STX11: variants seen among roughly 807,000 people sequenced by gnomAD.
STX11 encodes the protein syntaxin-11.
Under a neutral mutation model 19.9 loss-of-function variants are expected in STX11, and 21 were observed. The ratio of observed to expected loss-of-function variants is 1.06; its 90% CI spans 0.75 to 1.52. STX11 has a LOEUF of 1.52. Ranked by LOEUF, STX11 falls within the 40% of genes most tolerant of loss-of-function variation. The probability of loss-of-function intolerance (pLI) is 0.00; values close to 1 mark genes in which losing one functional copy is unlikely to be tolerated. For missense variants in STX11, 438 were observed against 405.9 expected (o/e 1.08, Z -0.68); for synonymous variants, 193 against 174.4 (o/e 1.11, Z -0.84).
At chr6:144,181,867 C>A (rs140073440) in intron 1 of STX11, among the ~76,000 whole-genome samples, 1 of 152,170 alleles carries the variant, frequency 6.6e-6, no homozygotes, top group Non-Finnish European at 1.5e-5. Flanking sequence ...AGCAATACCC[C>A]CTTCCTTCCT....
chr6:144,158,331 T>C (rs1584019835), intron 1 of STX11, among the ~76,000 whole-genome samples: 1 of 152,170 alleles, frequency 6.6e-6, no homozygotes, highest in East Asian at 1.9e-4. Flanking sequence ...CCCAAATTCC[T>C]TTGCTGGCTT....
At chr6:144,142,945 G>T in the STX11 span, among the ~76,000 whole-genome samples, 4 of 152,102 alleles carry the variant, frequency 2.6e-5, no homozygotes, top group Non-Finnish European at 5.9e-5. Context: ...ATAACTCAAG[G>T]TGAGGGATAC....
chr6:144,145,193 T>C, the STX11 span, among the ~76,000 whole-genome samples: 1 of 152,148 alleles, frequency 6.6e-6, no homozygotes, highest in African/African-American at 2.4e-5. Context: ...GGTATATACA[T>C]ACAATGAGTT....
At chr6:144,145,755 T>G (rs1427675711), upstream of STX11, among the ~76,000 whole-genome samples, 3 of 151,978 alleles carry the variant, frequency 2.0e-5, no homozygotes, top group Non-Finnish European at 4.4e-5. Flanking sequence ...GTTAGAGAGA[T>G]GTTAGTAAAG....
rs1801666532 is a variant in STX11, at chr6:144,172,504, A to G, written c.-5-14119A>G. 6.6e-6 allele frequency among the ~76,000 whole-genome samples: 1 copy of G among 152,164 alleles called. No individual in the cohort carries two copies. Among genetic ancestry groups the G allele is most frequent in the Admixed American group, 6.5e-5 (1 of 15,272 alleles). ...TTGGTCAAAGCAAGTCTCATGGCCAAGGGTAGAGAAACTGATTCAAAGGGT... is the reference window on the plus strand; with the variant it reads ...TTGGTCAAAGCAAGTCTCATGGCCAGGGGTAGAGAAACTGATTCAAAGGGT... On this transcript the variant is annotated intron_variant, in intron 1 of 1. Transcript: ENST00000367568. The surrounding 1 kb of genome is among the most constrained non-coding windows in gnomAD (Gnocchi z 4.2).
At chr6:144,141,464 G>A in the STX11 span, among the ~76,000 whole-genome samples, 1 of 152,098 alleles carries the variant, frequency 6.6e-6, no homozygotes, top group African/African-American at 2.4e-5. Flanking sequence ...ACCCCTATTG[G>A]CGTATCAAGC....
In STX11 at chr6:144,170,017, C is replaced by T. The variant is rs1337534618; in HGVS notation, c.-5-16606C>T. Reference sequence around the variant, plus strand: ...TAACTTAACTTCTGTTCATCATTTTCAGGATGGAACTTCAACAATTTATCT... The same window carrying T: ...TAACTTAACTTCTGTTCATCATTTTTAGGATGGAACTTCAACAATTTATCT... On this transcript the variant is annotated intron_variant, in intron 1 of 1. Transcript: ENST00000367568. This position sits in a 1 kb window ranked among gnomAD's most constrained non-coding sequence, Gnocchi z 4.7. Among the ~76,000 whole-genome samples the T allele has an allele frequency of 6.6e-6, 1 of 152,196 alleles. No homozygotes were observed. Among genetic ancestry groups the T allele is most frequent in the Non-Finnish European group, 1.5e-5 (1 of 68,042 alleles).
Position 144,152,729 on chromosome 6 carries a change from G to A in STX11, c.-6+2026G>A, listed in dbSNP as rs943668688. Among the ~76,000 whole-genome samples, 19 of 152,182 alleles carry A rather than the reference G, an allele frequency of 1.2e-4. No individual in the cohort carries two copies. Among genetic ancestry groups the A allele is most frequent in the African/African-American group, 4.6e-4 (19 of 41,450 alleles). On this transcript the variant is annotated intron_variant, in intron 1 of 1. Transcript: ENST00000367568. This position sits in a 1 kb window ranked among gnomAD's most constrained non-coding sequence, Gnocchi z 4.9. ...GCTCACTGCAACCTCCACCTCCTGC[G>A]TTTAAGCAATTCTTGTGCTTCAGCG...
Position 144,187,559 on chromosome 6 carries a change from CG to C in STX11, c.*71del. 6.2e-7 allele frequency: 1 copy of C among 1,601,448 alleles called. No homozygotes were observed. Among genetic ancestry groups the C allele is most frequent in the Non-Finnish European group, 8.5e-7 (1 of 1,174,416 alleles). ...CGCGCTGGGAAGGACGCACCAAAGC[CG>C]GGAGCTCTGCCCTGCAGGGAGTTGC... On this transcript the variant is annotated 3_prime_UTR_variant, in exon 2 of 2. Transcript: ENST00000367568. The surrounding 1 kb of genome is among the most constrained non-coding windows in gnomAD (Gnocchi z 5.6).
At position 144,187,664 on chromosome 6, in the gene STX11, A is replaced by G; in HGVS notation, c.*173A>G. On this transcript the variant is annotated 3_prime_UTR_variant, in exon 2 of 2. Coordinates refer to ENST00000367568, the MANE Select transcript of STX11 (RefSeq NM_003764.4). This position sits in a 1 kb window ranked among gnomAD's most constrained non-coding sequence, Gnocchi z 5.6. The stretch of plus-strand genomic sequence containing the variant: ...TGCAAACCAGCCTGTGCTTGGAAAG[A>G]TGGTTAGTTGATACCGTCCGATGAT... The G allele has an allele frequency of 1.2e-6, 1 of 842,738 alleles. No individual in the cohort carries two copies. The highest frequency in any genetic ancestry group is 2.6e-5 in the Admixed American group (1 of 38,262). 52.2% of individuals were successfully genotyped at this position (842,738 alleles called of 1,614,324 possible). A position where few individuals can be genotyped will look rare whatever the true frequency, so the allele number is the denominator to read the frequency against.
At chr6:144,158,849 AC>A (rs561861990) in intron 1 of STX11, among the ~76,000 whole-genome samples, 295 of 152,336 alleles carry the variant, frequency 1.9e-3, no homozygotes, top group African/African-American at 6.9e-3. Flanking sequence ...CTCCTGAAAC[AC>A]CAAATTGCTG....
rs1801757623 is a variant in STX11 at position 144,175,562 on chromosome 6, C to T, written c.-5-11061C>T. Reference sequence around the variant, plus strand: ...ACTTAGGTGATCCACACACTTCGGCCTCTCAAAGTGCTGGGATTACAGGCA... The same window carrying T: ...ACTTAGGTGATCCACACACTTCGGCTTCTCAAAGTGCTGGGATTACAGGCA... On this transcript the variant is annotated intron_variant, in intron 1 of 1. Transcript: ENST00000367568. This position sits in a 1 kb window ranked among gnomAD's most constrained non-coding sequence, Gnocchi z 5.1. Among the ~76,000 whole-genome samples the T allele has an allele frequency of 6.6e-6, 1 of 152,174 alleles. No individual in the cohort carries two copies. The highest frequency in any genetic ancestry group is 6.5e-5 in the Admixed American group (1 of 15,272).
rs1202229742 is a variant in STX11 at position 144,181,558 on chromosome 6, G to GCA, written c.-5-5063_-5-5062dup. On this transcript the variant is annotated intron_variant, in intron 1 of 1. Transcript: ENST00000367568. ...TACAGTGAGCCGAGATAGTACCACT[G>GCA]CACTCCAGCCTGGGCAACAGAGCAA... is the stretch of plus-strand genomic sequence containing the variant. 3.9e-5 allele frequency among the ~76,000 whole-genome samples: 5 copies of GCA among 129,070 alleles called. No homozygotes were observed. In the Admixed American group the frequency reaches 4.9e-4, roughly 13 times the overall value. 84.7% of individuals were successfully genotyped at this position (129,070 alleles called of 152,430 possible).
At chr6:144,161,557 G>A (rs1244907283) in intron 1 of STX11, among the ~76,000 whole-genome samples, 8 of 152,142 alleles carry the variant, frequency 5.3e-5, no homozygotes, top group Non-Finnish European at 1.0e-4. Context: ...TAGTAGAGAC[G>A]AGCTTTCACC....
Position 144,182,882 on chromosome 6 carries a change from C to T in STX11, c.-5-3741C>T, listed in dbSNP as rs1801941265. 6.6e-6 allele frequency among the ~76,000 whole-genome samples: 1 copy of T among 152,196 alleles called. No individual in the cohort carries two copies. Among genetic ancestry groups the T allele is most frequent in the Non-Finnish European group, 1.5e-5 (1 of 68,044 alleles). On this transcript the variant is annotated intron_variant, in intron 1 of 1. Coordinates refer to ENST00000367568, the MANE Select transcript of STX11 (RefSeq NM_003764.4). This position sits in a 1 kb window ranked among gnomAD's most constrained non-coding sequence, Gnocchi z 4.8. The stretch of plus-strand genomic sequence containing the variant: ...CTTGTTCATCAAAATGCATCCATTC[C>T]ATCTCATCCACTTGTTGCATGGTAG...
At chr6:144,148,286 T>C (rs902072338), upstream of STX11, among the ~76,000 whole-genome samples, 2 of 152,232 alleles carry the variant, frequency 1.3e-5, no homozygotes, top group Non-Finnish European at 2.9e-5. Context: ...AAGCCCAGCA[T>C]GCTCCTGCCT....
chr6:144,141,540 ATTCTT>A, the STX11 span, among the ~76,000 whole-genome samples: 1 of 152,132 alleles, frequency 6.6e-6, no homozygotes, highest in African/African-American at 2.4e-5. Context: ...TATCTGTTGC[ATTCTT>A]TTCTTTTTTT....
At chr6:144,185,292 A>C (rs1041393638) in intron 1 of STX11, among the ~76,000 whole-genome samples, 2 of 152,200 alleles carry the variant, frequency 1.3e-5, no homozygotes, top group Non-Finnish European at 2.9e-5. Context: ...AATTACTTCA[A>C]CTTGAAAGAA....
At chr6:144,147,590 A>G (rs1357581455), upstream of STX11, among the ~76,000 whole-genome samples, 1 of 152,174 alleles carries the variant, frequency 6.6e-6, no homozygotes. This position sits in a 1 kb window ranked among gnomAD's most constrained non-coding sequence, Gnocchi z 4.2. Flanking sequence ...CTCCAAATAT[A>G]TACCACCATC....
Sources: gnomAD v4.1 joint callset for allele counts (sites outside exome capture counted in the v4.1 genomes callset) on GRCh38, gnomAD v4.1.1 for gene constraint, Gnocchi (gnomAD v3.1) non-coding constraint, MANE v1.5 for transcripts, NCBI Gene and HGNC (gene_info 2026-07-23, HGNC 2026-07-21) for gene names.